Variants in UNC5D observed in about 807,000 individuals in gnomAD.
The protein encoded by UNC5D is unc-5 netrin receptor D.
In UNC5D, 39 loss-of-function variants were observed where a neutral mutation model predicts 105.4. The observed-to-expected ratio is 0.37, with a 90% CI of 0.29 to 0.48. The LOEUF (loss-of-function observed/expected upper bound fraction) is 0.48, where lower values mean the gene tolerates loss of function less well. UNC5D is among the 20% of genes least tolerant of loss of function. UNC5D has a pLI of 0.98. For synonymous variants in UNC5D, 452 were observed against 450.4 expected (o/e 1.00, Z -0.04); for missense variants, 991 against 1,202.4 (o/e 0.82, Z 2.60).
intron 14 of UNC5D, among the ~76,000 whole-genome samples, chr8:35,763,783 G>A (rs1444640954): frequency 6.6e-6 from 1 of 152,142 alleles, no homozygotes; most frequent in Non-Finnish European, 1.5e-5. Context: ...ATAGAAATAA[G>A]AATGGAGAGA....
chr8:35,441,447 C>G lies in UNC5D; in HGVS notation c.104-107845C>G, dbSNP rs533829598. ...TAGTATAGATATGGTTTGCTATTATCCACAGTTTCAGGCATTCACGGAGGG... is the reference window on the plus strand; with the variant it reads ...TAGTATAGATATGGTTTGCTATTATGCACAGTTTCAGGCATTCACGGAGGG... On this transcript the variant is annotated intron_variant, in intron 1 of 16. Transcript: ENST00000404895. Among the ~76,000 whole-genome samples the G allele has an allele frequency of 5.3e-5, 8 of 151,776 alleles. No homozygotes were observed. In the South Asian group the frequency reaches 1.3e-3, roughly 24 times the overall value.
At chr8:35,312,926 C>T (rs565957334) in intron 1 of UNC5D, among the ~76,000 whole-genome samples, 2 of 152,244 alleles carry the variant, frequency 1.3e-5, no homozygotes, top group African/African-American at 2.4e-5. Flanking sequence ...CCACTACCAG[C>T]GGAGAATTAG....
intron 2 of UNC5D, among the ~76,000 whole-genome samples, chr8:35,567,341 A>G (rs1338649577): frequency 6.6e-6 from 1 of 152,198 alleles, no homozygotes; most frequent in East Asian, 1.9e-4. Context: ...TGATCAGTAC[A>G]TATTGTATAC....
At chr8:35,277,930 G>A (rs1805883033) in intron 1 of UNC5D, among the ~76,000 whole-genome samples, 1 of 152,096 alleles carries the variant, frequency 6.6e-6, no homozygotes. Context: ...GAAGGGAGGA[G>A]AGAAAATTTG....
At chr8:35,768,569 A>G (rs970411149) in intron 15 of UNC5D, among the ~76,000 whole-genome samples, 1 of 152,260 alleles carries the variant, frequency 6.6e-6, no homozygotes, top group Non-Finnish European at 1.5e-5. Context: ...TTAACAGGCC[A>G]ATGAGTTCGG....
chr8:35,796,234 C>T lies in UNC5D; in HGVS notation c.*5671C>T, dbSNP rs1803247954. The T allele has an allele frequency of 6.6e-6, 1 of 151,988 alleles. No homozygotes were observed. The highest frequency in any genetic ancestry group is 2.1e-4 in the South Asian group (1 of 4,822). 9.4% of individuals were successfully genotyped at this position (151,988 alleles called of 1,614,324 possible). ...TGGCTTCATACCACACTTTTTGTGC[C>T]TTGTATTATCAATGTAAATTCTGAA... is the stretch of plus-strand genomic sequence containing the variant. On this transcript the variant is annotated 3_prime_UTR_variant, in exon 17 of 17. Transcript: ENST00000404895.
chr8:35,574,226 G>A (rs1221919108), intron 3 of UNC5D, among the ~76,000 whole-genome samples: 1 of 151,864 alleles, frequency 6.6e-6, no homozygotes, highest in East Asian at 1.9e-4. Flanking sequence ...CCTTGGCCGG[G>A]CAAACTTTTC....
At chr8:35,726,046 C>A (rs545334240) in intron 9 of UNC5D, 106 bp from the exon 10 acceptor site, 1 of 1,442,392 alleles carries the variant, frequency 6.9e-7, no homozygotes, top group Non-Finnish European at 9.2e-7. Flanking sequence ...TGGATTGGAA[C>A]TGCTGGCACC....
intron 1 of UNC5D, among the ~76,000 whole-genome samples, chr8:35,487,017 G>A (rs893544037): frequency 6.6e-6 from 1 of 151,962 alleles, no homozygotes; most frequent in African/African-American, 2.4e-5. Context: ...CAACCCCCCA[G>A]GTCACTAAGG....
intron 1 of UNC5D, among the ~76,000 whole-genome samples, chr8:35,316,051 G>A (rs1373123063): frequency 1.3e-5 from 2 of 152,128 alleles, no homozygotes; most frequent in Admixed American, 6.6e-5. Context: ...ATTATAGGGA[G>A]GCACGATTGG....
At chr8:35,629,739 T>A (rs370888938) in intron 4 of UNC5D, among the ~76,000 whole-genome samples, 16 of 152,246 alleles carry the variant, frequency 1.1e-4, no homozygotes, top group African/African-American at 3.6e-4. Context: ...TAATTAGAGA[T>A]ATCTTTTAGT....
intron 11 of UNC5D, among the ~76,000 whole-genome samples, chr8:35,739,312 G>A (rs1829632116): frequency 6.6e-6 from 1 of 152,016 alleles, no homozygotes; most frequent in Non-Finnish European, 1.5e-5. Context: ...CCCAAAATAA[G>A]TGAGCAGAGG....
chr8:35,719,960 A>T (rs1586523500), intron 8 of UNC5D, among the ~76,000 whole-genome samples: 1 of 152,292 alleles, frequency 6.6e-6, no homozygotes, highest in East Asian at 1.9e-4. Flanking sequence ...GATTCTACAG[A>T]TGTTCCTGGG....
chr8:35,471,703 G>T (rs1461548801), intron 1 of UNC5D, among the ~76,000 whole-genome samples: 1 of 152,046 alleles, frequency 6.6e-6, no homozygotes, highest in Admixed American at 6.6e-5. Context: ...ATCTAGCAAA[G>T]CTATTGTGAT....
intron 4 of UNC5D, among the ~76,000 whole-genome samples, chr8:35,677,023 C>T (rs1307736728): frequency 6.6e-6 from 1 of 151,754 alleles, no homozygotes; most frequent in Admixed American, 6.6e-5. Flanking sequence ...GATCTGACCA[C>T]ACTGTGCCTG....
chr8:35,589,818 C>T (rs1049807882), intron 3 of UNC5D, among the ~76,000 whole-genome samples: 3 of 152,124 alleles, frequency 2.0e-5, no homozygotes, highest in Non-Finnish European at 4.4e-5. Context: ...TATGTTGTAA[C>T]GTGCATCAAT....
intron 1 of UNC5D, among the ~76,000 whole-genome samples, chr8:35,535,979 C>G (rs998063509): frequency 6.6e-6 from 1 of 152,176 alleles, no homozygotes; most frequent in African/African-American, 2.4e-5. Flanking sequence ...TGCCTAAGAT[C>G]ACACAGCTAA....
At chr8:35,549,715 G>A (rs1398831628) in intron 2 of UNC5D, among the ~76,000 whole-genome samples, 1 of 152,102 alleles carries the variant, frequency 6.6e-6, no homozygotes, top group East Asian at 1.9e-4. Context: ...TGATGCAGAG[G>A]CATTTTTTTC....
intron 1 of UNC5D, among the ~76,000 whole-genome samples, chr8:35,344,210 G>C (rs1421549824): frequency 6.6e-6 from 1 of 152,064 alleles, no homozygotes; most frequent in Non-Finnish European, 1.5e-5. Context: ...GGGCCCACCT[G>C]CTCATCTGAA....
Sources: gnomAD v4.1 joint callset for allele counts (sites outside exome capture counted in the v4.1 genomes callset) on GRCh38, gnomAD v4.1.1 for gene constraint, MANE v1.5 for transcripts, NCBI Gene and HGNC (gene_info 2026-07-23, HGNC 2026-07-21) for gene names.